MYO1E: variants seen among roughly 807,000 people sequenced by gnomAD.
The protein encoded by MYO1E is unconventional myosin-Ie.
A neutral mutation model predicts 151.1 loss-of-function variants in MYO1E; 68 were observed. That is an observed-to-expected ratio of 0.45 (90% confidence interval 0.37 to 0.55). The LOEUF is 0.55. MYO1E is among the 20% of genes least tolerant of loss of function. The pLI, the probability that MYO1E is intolerant of heterozygous loss-of-function variation, is 0.00. For synonymous variants in MYO1E, 601 were observed against 501.7 expected, an observed-to-expected ratio of 1.20 and a Z score of -2.64; for missense variants, 1,363 against 1,389.3, an observed-to-expected ratio of 0.98 and a Z score of 0.30.
chr15:59,212,984 C>G (rs1327680014), intron 12 of MYO1E, among the ~76,000 whole-genome samples: 1 of 152,078 alleles, frequency 6.6e-6, no homozygotes, highest in East Asian at 1.9e-4. Flanking sequence ...GCCCTGAGGA[C>G]TTCTTGACTT....
chr15:59,208,305 G>T, intron 14 of MYO1E: 1 of 567,994 alleles, frequency 1.8e-6, no homozygotes, highest in Non-Finnish European at 3.1e-6. Context: ...CTCTGATGTA[G>T]CAGCACTTGC....
intron 26 of MYO1E, 118 bp downstream of exon 26, chr15:59,153,472 G>T: frequency 8.7e-7 from 1 of 1,149,038 alleles, no homozygotes; most frequent in Non-Finnish European, 1.3e-6. Context: ...TAGCACTGAG[G>T]TGGAAAACTA....
chr15:59,327,138 CCA>C (rs2080669772), intron 1 of MYO1E, among the ~76,000 whole-genome samples: 2 of 152,100 alleles, frequency 1.3e-5, no homozygotes, highest in African/African-American at 4.8e-5. Flanking sequence ...CTTGACTCTT[CCA>C]CAGAGTGCAC....
intron 1 of MYO1E, among the ~76,000 whole-genome samples, chr15:59,371,791 A>C (rs2080946532): frequency 6.6e-6 from 1 of 151,846 alleles, no homozygotes; most frequent in South Asian, 2.1e-4. Flanking sequence ...CGGGGCGCGG[A>C]GACCCTCGGG....
chr15:59,279,614 T>C (rs963110578), intron 1 of MYO1E, among the ~76,000 whole-genome samples: 1 of 152,136 alleles, frequency 6.6e-6, no homozygotes, highest in Non-Finnish European at 1.5e-5. Flanking sequence ...CACTCCCCCC[T>C]GGGCCACTGG....
chr15:59,233,912 T>C (rs943283079), intron 5 of MYO1E, among the ~76,000 whole-genome samples: 2 of 151,720 alleles, frequency 1.3e-5, no homozygotes, highest in Admixed American at 6.6e-5. Flanking sequence ...ATCTCATTAA[T>C]TTTGTTATAT....
At chr15:59,230,230 G>T (rs1334507812) in intron 6 of MYO1E, among the ~76,000 whole-genome samples, 7 of 149,800 alleles carry the variant, frequency 4.7e-5, no homozygotes, top group Non-Finnish European at 1.5e-5. Flanking sequence ...GTGTTTGTGT[G>T]TGTGTGTGTG....
chr15:59,143,594 G>A lies in MYO1E; in HGVS notation c.3081-5227C>T, dbSNP rs181578639. Among the ~76,000 whole-genome samples, 84 of 152,304 alleles carry A rather than the reference G, an allele frequency of 5.5e-4. 1 individual carries two copies. The highest frequency in any genetic ancestry group is 1.9e-3 in the African/African-American group (81 of 41,556). On this transcript the variant is annotated intron_variant, in intron 26 of 27. Coordinates refer to ENST00000288235, the MANE Select transcript of MYO1E (RefSeq NM_004998.4). ...CTTCTGGGAAACTGCCGGTAGCTGTGTGAAGTCTGGATAAACTCCCCTCAA... is the reference window on the plus strand; with the variant it reads ...CTTCTGGGAAACTGCCGGTAGCTGTATGAAGTCTGGATAAACTCCCCTCAA...
intron 22 of MYO1E, among the ~76,000 whole-genome samples, chr15:59,166,969 G>A (rs1324942068): frequency 6.6e-6 from 1 of 152,204 alleles, no homozygotes; most frequent in Non-Finnish European, 1.5e-5. Context: ...TCCTGAGGCA[G>A]TGACTGTGCC....
At chr15:59,196,709 G>A (rs1005531606) in intron 16 of MYO1E, among the ~76,000 whole-genome samples, 3 of 152,162 alleles carry the variant, frequency 2.0e-5, no homozygotes, top group Non-Finnish European at 4.4e-5. Flanking sequence ...GCAGGAAATA[G>A]CATTCTTTGC....
intron 26 of MYO1E, among the ~76,000 whole-genome samples, chr15:59,142,923 A>C (rs1489100934): frequency 4.0e-5 from 3 of 74,270 alleles, no homozygotes; most frequent in African/African-American, 2.7e-4. Context: ...TTAGGTGCAA[A>C]AAAAAAAAAA....
intron 14 of MYO1E, chr15:59,207,612 A>T (rs373044070): frequency 4.3e-6 from 7 of 1,614,064 alleles, no homozygotes; most frequent in Admixed American, 1.7e-5. Context: ...TCTTGATTGG[A>T]CAAAAGCTTG....
chr15:59,231,878 T>C, intron 5 of MYO1E, 87 bp from the exon 6 acceptor site: 1 of 1,429,750 alleles, frequency 7.0e-7, no homozygotes. Context: ...ACCTGGTTTC[T>C]GAATGCATTA....
intron 2 of MYO1E, among the ~76,000 whole-genome samples, chr15:59,270,042 A>G (rs1028946269): frequency 2.6e-5 from 4 of 152,182 alleles, no homozygotes; most frequent in African/African-American, 9.7e-5. Context: ...GTTCCAACAA[A>G]ACTGCTGTCC....
intron 23 of MYO1E, among the ~76,000 whole-genome samples, 188 bp from the exon 24 acceptor site, chr15:59,161,418 T>C (rs1001684866): frequency 6.6e-6 from 1 of 152,060 alleles, no homozygotes; most frequent in Non-Finnish European, 1.5e-5. Flanking sequence ...TGCATGACAA[T>C]GAGCCAGAAA....
chr15:59,169,166 G>A (rs1375829641), intron 22 of MYO1E, among the ~76,000 whole-genome samples: 1 of 152,180 alleles, frequency 6.6e-6, no homozygotes, highest in African/African-American at 2.4e-5. Flanking sequence ...CTAAGATCAA[G>A]CTTATGGGAT....
intron 1 of MYO1E, among the ~76,000 whole-genome samples, chr15:59,281,849 A>T (rs1289966279): frequency 6.6e-6 from 1 of 152,120 alleles, no homozygotes; most frequent in Non-Finnish European, 1.5e-5. Flanking sequence ...CTGTAATCCC[A>T]GGGCTTTGGG....
chr15:59,192,309 AAAAAG>A (rs1269158000), intron 17 of MYO1E, among the ~76,000 whole-genome samples: 13 of 152,248 alleles, frequency 8.5e-5, no homozygotes, highest in South Asian at 4.1e-4. Context: ...TAAAAAAAAA[AAAAAG>A]AAAAGAGAAA....
chr15:59,238,242 T>A (rs2080078697), intron 4 of MYO1E, among the ~76,000 whole-genome samples: 1 of 152,148 alleles, frequency 6.6e-6, no homozygotes, highest in Non-Finnish European at 1.5e-5. Flanking sequence ...ATTTACTAGA[T>A]CCAGGGTCAA....
Sources: gnomAD v4.1 joint callset for allele counts (sites outside exome capture counted in the v4.1 genomes callset) on GRCh38, gnomAD v4.1.1 for gene constraint, MANE v1.5 for transcripts, NCBI Gene and HGNC (gene_info 2026-07-23, HGNC 2026-07-21) for gene names.